TMEM232: variants seen among roughly 807,000 people sequenced by gnomAD.
TMEM232 encodes the protein transmembrane protein 232.
TMEM232 carries 80 observed loss-of-function variants against 78.8 expected under a neutral mutation model. That is an observed-to-expected ratio of 1.01 (90% CI 0.85 to 1.22). The LOEUF is 1.22. Among genes scored for constraint, TMEM232 ranks in the 50% most tolerant of loss-of-function variants. The pLI is 0.00. For synonymous variants in TMEM232, 297 were observed against 254.3 expected (o/e 1.17, Z -1.60); for missense variants, 881 against 742.2 (o/e 1.19, Z -2.17).
rs1439439468 is a variant in TMEM232 at position 110,670,471 on chromosome 5, C to G, written c.-12-3107G>C. 1.4e-4 allele frequency among the ~76,000 whole-genome samples: 22 copies of G among 152,000 alleles called. No homozygotes were observed. In the South Asian group the frequency reaches 2.9e-3, roughly 20 times the overall value. ...ATGAGAACTACAAACCACTGCTCAACAAAATAAAAGAGGACACAAACAAAT... is the reference window on the plus strand; with the variant it reads ...ATGAGAACTACAAACCACTGCTCAAGAAAATAAAAGAGGACACAAACAAAT... On this transcript the variant is annotated intron_variant, in intron 1 of 13. Transcript: ENST00000455884.
chr5:110,394,262 T>C (rs1015080450), intron 3 of TMEM232, among the ~76,000 whole-genome samples: 2 of 152,216 alleles, frequency 1.3e-5, no homozygotes, highest in African/African-American at 4.8e-5. Flanking sequence ...ATTGCATCTA[T>C]GCAGTTGCAA....
At chr5:110,695,401 G>A (rs59401698) in intron 1 of TMEM232, among the ~76,000 whole-genome samples, 4,118 of 152,230 alleles carry the variant, frequency 0.027, 191 homozygotes, top group African/African-American at 0.094. Flanking sequence ...AACTAGAGGA[G>A]CAAGAGCAAA....
chr5:110,464,541 C>T (rs1450326257), intron 12 of TMEM232, among the ~76,000 whole-genome samples: 6 of 152,106 alleles, frequency 3.9e-5, no homozygotes, highest in African/African-American at 1.4e-4. Context: ...CCTAGGTGTC[C>T]AGCCCTGCTA....
intron 2 of TMEM232, among the ~76,000 whole-genome samples, chr5:110,404,720 T>C (rs1301755506): frequency 6.6e-6 from 1 of 151,974 alleles, no homozygotes; most frequent in Non-Finnish European, 1.5e-5. Flanking sequence ...GAAAAAGGAA[T>C]TGTAGATATA....
chr5:110,724,477 T>C (rs1797965544), intron 1 of TMEM232, among the ~76,000 whole-genome samples: 1 of 152,240 alleles, frequency 6.6e-6, no homozygotes, highest in African/African-American at 2.4e-5. Context: ...CTTAATCCAG[T>C]ATTATTTTAA....
intron 3 of TMEM232, among the ~76,000 whole-genome samples, chr5:110,391,674 A>G (rs74817525): frequency 0.017 from 2,629 of 152,298 alleles, 42 homozygotes; most frequent in Middle Eastern, 0.065. Flanking sequence ...TATTGTACAT[A>G]TCGTATTTTC....
At chr5:110,586,556 A>G (rs1581317615) in intron 10 of TMEM232, among the ~76,000 whole-genome samples, 1 of 144,616 alleles carries the variant, frequency 6.9e-6, no homozygotes, top group African/African-American at 2.7e-5. Flanking sequence ...GCATATTTCC[A>G]TACACACCCT....
At chr5:110,621,938 T>C (rs538692552) in intron 7 of TMEM232, among the ~76,000 whole-genome samples, 1 of 152,298 alleles carries the variant, frequency 6.6e-6, no homozygotes, top group South Asian at 2.1e-4. Context: ...CAAATTTAAG[T>C]ACATAAATTA....
intron 1 of TMEM232, among the ~76,000 whole-genome samples, chr5:110,675,851 C>A (rs1376583916): frequency 6.6e-6 from 1 of 152,132 alleles, no homozygotes; most frequent in Non-Finnish European, 1.5e-5. Context: ...AGTCACCATG[C>A]TGTACAACAG....
chr5:110,559,253 A>G (rs1775480645), intron 11 of TMEM232, among the ~76,000 whole-genome samples: 1 of 152,216 alleles, frequency 6.6e-6, no homozygotes, highest in African/African-American at 2.4e-5. Context: ...CAGATAATAT[A>G]GAAAGATATC....
intron 13 of TMEM232, among the ~76,000 whole-genome samples, chr5:110,421,895 G>C (rs1183631232): frequency 1.3e-5 from 2 of 152,048 alleles, no homozygotes; most frequent in African/African-American, 4.8e-5. Flanking sequence ...AAATACAAAA[G>C]TTAACTGCAC....
chr5:110,605,022 ATT>A (rs1470031739), intron 10 of TMEM232, 85 bp downstream of exon 10: 2 of 1,337,492 alleles, frequency 1.5e-6, no homozygotes, highest in African/African-American at 3.0e-5. Context: ...ATTTCTAAAT[ATT>A]AACTTTGAGT....
At chr5:110,526,930 G>C (rs761664887) in intron 12 of TMEM232, among the ~76,000 whole-genome samples, 64 of 151,802 alleles carry the variant, frequency 4.2e-4, no homozygotes, top group Non-Finnish European at 8.7e-4. Flanking sequence ...CTGAAATGAG[G>C]CTAAATGACA....
intron 12 of TMEM232, among the ~76,000 whole-genome samples, chr5:110,507,595 C>A (rs1767065243): frequency 1.3e-5 from 2 of 152,174 alleles, no homozygotes; most frequent in Admixed American, 6.6e-5. Context: ...CCCTCCTAAG[C>A]CCATGGGCCA....
chr5:110,568,589 A>G lies in TMEM232; in HGVS notation c.1313T>C (p.Val438Ala), dbSNP rs538286203. Residue 438 changes from valine to alanine, a missense_variant, in exon 11 of 14, where the codon GTG becomes GCG. Transcript: ENST00000455884. ...CCATGAAATTTTCACCAGGTTATAC[A>G]CTAAGCCATAGTAACCAGTCCAGAC... is the stretch of plus-strand genomic sequence containing the variant. ...QVVWTGYYGL[V>A]YNLVKISWEL... The G allele has an allele frequency of 1.9e-6, 3 of 1,549,024 alleles. No individual in the cohort carries two copies. Among genetic ancestry groups the G allele is most frequent in the Middle Eastern group, 1.7e-4 (1 of 5,990 alleles).
chr5:110,651,986 G>T (rs576482268), intron 2 of TMEM232, among the ~76,000 whole-genome samples: 3 of 152,192 alleles, frequency 2.0e-5, no homozygotes, highest in Admixed American at 2.0e-4. Context: ...AACATCTGGT[G>T]TTTGCTTTAT....
At chr5:110,613,523 T>C (rs754641429) in intron 8 of TMEM232, among the ~76,000 whole-genome samples, 107 of 152,278 alleles carry the variant, frequency 7.0e-4, no homozygotes, top group Middle Eastern at 6.8e-3. Flanking sequence ...AAGTTACTCC[T>C]GCTAATGGTC....
chr5:110,609,886 G>A (rs977752103), intron 8 of TMEM232, among the ~76,000 whole-genome samples: 1 of 152,052 alleles, frequency 6.6e-6, no homozygotes, highest in Non-Finnish European at 1.5e-5. Context: ...GCTAAAGAGA[G>A]TATCAGTCTC....
chr5:110,560,002 G>C (rs1775559258), intron 11 of TMEM232, among the ~76,000 whole-genome samples: 1 of 152,060 alleles, frequency 6.6e-6, no homozygotes, highest in African/African-American at 2.4e-5. Flanking sequence ...TATTGGATTA[G>C]GGGCCCATCT....
Sources: allele counts gnomAD v4.1 joint callset (sites outside exome capture counted in the v4.1 genomes callset), GRCh38; gene constraint gnomAD v4.1.1; transcripts MANE v1.5; gene names NCBI Gene and HGNC (gene_info 2026-07-23, HGNC 2026-07-21).